Variants in BTBD9 observed in about 807,000 individuals in gnomAD.
The protein encoded by BTBD9 is BTB domain containing 9, also known as BTB/POZ domain-containing protein 9.
Under a neutral mutation model 64.3 loss-of-function variants are expected in BTBD9, and 49 were observed. The ratio of observed to expected loss-of-function variants is 0.76; its 90% CI spans 0.61 to 0.97. The LOEUF (loss-of-function observed/expected upper bound fraction) is 0.97, where lower values mean the gene tolerates loss of function less well. BTBD9 is among the 50% of genes least tolerant of loss of function. The pLI, the probability that BTBD9 is intolerant of heterozygous loss-of-function variation, is 0.00. For synonymous variants in BTBD9, 260 were observed against 274.7 expected (o/e 0.95, Z 0.53); for missense variants, 598 against 762.1 (o/e 0.78, Z 2.53).
At chr6:38,241,680 T>C (rs987839640) in intron 9 of BTBD9, among the ~76,000 whole-genome samples, 1 of 152,252 alleles carries the variant, frequency 6.6e-6, no homozygotes, top group Admixed American at 6.5e-5. Flanking sequence ...ACTCAGTACA[T>C]AATTTATAAC....
At chr6:38,477,807 TTACTCAC>T (rs1770956990) in intron 6 of BTBD9, among the ~76,000 whole-genome samples, 1 of 152,188 alleles carries the variant, frequency 6.6e-6, no homozygotes, top group Admixed American at 6.5e-5. Context: ...CATTTAAGAA[TTACTCAC>T]TTAACTCAAA....
At chr6:38,475,756 T>C (rs1036736614) in intron 6 of BTBD9, among the ~76,000 whole-genome samples, 1 of 152,188 alleles carries the variant, frequency 6.6e-6, no homozygotes, top group African/African-American at 2.4e-5. Flanking sequence ...AGCCAAAAGC[T>C]GCTGCCATAC....
intron 6 of BTBD9, among the ~76,000 whole-genome samples, chr6:38,469,411 T>A (rs1770537205): frequency 6.7e-6 from 1 of 149,198 alleles, no homozygotes; most frequent in Admixed American, 6.8e-5. Context: ...CTCCGCCTCC[T>A]GGGTTCCAGC....
At position 38,230,439 on chromosome 6, in the gene BTBD9, G is replaced by T. The variant is rs555371685; in HGVS notation, c.1562+25970C>A. ...GAACCTGGGAGATGGAGGTTGTGGT[G>T]AGCCGAGATCGTGACATTGCACTCT... On this transcript the variant is annotated intron_variant, in intron 9 of 10. Transcript: ENST00000481247. Among the ~76,000 whole-genome samples the T allele has an allele frequency of 4.2e-5, 6 of 144,044 alleles. 1 individual carries two copies. Among genetic ancestry groups the T allele is most frequent in the African/African-American group, 1.5e-4 (6 of 39,312 alleles). The allele number at this position is 144,044 out of a possible 152,430, so 94.5% of individuals were successfully genotyped here.
In BTBD9 at chr6:38,592,725, AT is replaced by A; in HGVS notation, c.664del (p.Met222CysfsTer9). 6.2e-7 allele frequency: 1 copy of A among 1,614,214 alleles called. No homozygotes were observed. The highest frequency in any genetic ancestry group is 8.5e-7 in the Non-Finnish European group (1 of 1,180,028). On this transcript the variant is annotated frameshift_variant, in exon 4 of 11. Transcript: ENST00000481247. LOFTEE classifies it high-confidence loss of function. Reference protein sequence around the residue: ...HNSKENHAEIMQAVRLPLMSL... With the variant: ...HNSKENHAEIXQAVRLPLMSL... ...CATGAGAGGTAAACGCACAGCCTGC[AT>A]GATTTCAGCATGATTCTCCTTTGAA...
intron 6 of BTBD9, among the ~76,000 whole-genome samples, chr6:38,421,974 T>C (rs1170204577): frequency 6.6e-6 from 1 of 152,214 alleles, no homozygotes; most frequent in African/African-American, 2.4e-5. Flanking sequence ...GAATGAAGCA[T>C]AAGGGATTTA....
chr6:38,482,635 A>G (rs1381869812), intron 6 of BTBD9: 2 of 152,156 alleles, frequency 1.3e-5, no homozygotes, highest in African/African-American at 4.8e-5. Context: ...CTTGCCAAAC[A>G]CTGAGCTATG....
At chr6:38,372,443 A>T (rs1765464882) in intron 6 of BTBD9, among the ~76,000 whole-genome samples, 2 of 152,166 alleles carry the variant, frequency 1.3e-5, no homozygotes, top group Admixed American at 1.3e-4. Context: ...ATTTTCTAAA[A>T]ATCAAACAGT....
At chr6:38,623,576 G>A (rs1194864803) in intron 1 of BTBD9, among the ~76,000 whole-genome samples, 4 of 152,182 alleles carry the variant, frequency 2.6e-5, no homozygotes, top group African/African-American at 9.7e-5. Flanking sequence ...TAGGGGAAGA[G>A]TGTTGTTTTT....
chr6:38,213,894 G>A (rs1398951953), intron 9 of BTBD9, among the ~76,000 whole-genome samples: 1 of 151,874 alleles, frequency 6.6e-6, no homozygotes, highest in Non-Finnish European at 1.5e-5. Context: ...TGAGCTGGAG[G>A]CTGAGGCAGG....
At chr6:38,234,875 T>C (rs1763726084) in intron 9 of BTBD9, among the ~76,000 whole-genome samples, 1 of 152,262 alleles carries the variant, frequency 6.6e-6, no homozygotes, top group Non-Finnish European at 1.5e-5. Context: ...TGGCAAATAC[T>C]AGTAAAGAGT....
chr6:38,401,545 G>A (rs573395005), intron 6 of BTBD9, among the ~76,000 whole-genome samples: 10 of 152,174 alleles, frequency 6.6e-5, no homozygotes, highest in Non-Finnish European at 1.3e-4. Flanking sequence ...CCCAAAGGAG[G>A]AACAGAATCA....
chr6:38,313,618 T>C (rs1762925349), intron 7 of BTBD9, among the ~76,000 whole-genome samples: 1 of 152,196 alleles, frequency 6.6e-6, no homozygotes, highest in Non-Finnish European at 1.5e-5. Flanking sequence ...TGCTTTTTCA[T>C]CATCAATTGA....
At chr6:38,453,578 C>T (rs938214323) in intron 6 of BTBD9, among the ~76,000 whole-genome samples, 2 of 152,202 alleles carry the variant, frequency 1.3e-5, no homozygotes, top group Admixed American at 6.5e-5. Flanking sequence ...TTTTAAATGA[C>T]AAGTTTTTTT....
intron 8 of BTBD9, among the ~76,000 whole-genome samples, chr6:38,266,648 AAGAAAGAAAGAAAGAAAGAAAG>A (rs1765009250): frequency 7.4e-6 from 1 of 135,934 alleles, no homozygotes. Context: ...GAAAGAAAGA[AAGAAAGAAAGAAAGAAAGAAAG>A]AAAGAAAGAA....
chr6:38,561,979 T>C (rs1394805869), intron 6 of BTBD9, among the ~76,000 whole-genome samples: 1 of 152,164 alleles, frequency 6.6e-6, no homozygotes, highest in East Asian at 1.9e-4. Context: ...GTGCACCTAG[T>C]ACTATAAAGC....
chr6:38,303,840 G>GATATATATATATATATATAT (rs70981538), intron 7 of BTBD9, among the ~76,000 whole-genome samples: 8 of 75,306 alleles, frequency 1.1e-4, no homozygotes, highest in East Asian at 3.1e-4. Context: ...TTAGTTGCTA[G>GATATATATATATATATATAT]ATATATATAT....
At chr6:38,557,000 G>A (rs1340450181) in intron 6 of BTBD9, among the ~76,000 whole-genome samples, 1 of 93,814 alleles carries the variant, frequency 1.1e-5, no homozygotes, top group African/African-American at 4.4e-5. Flanking sequence ...GGAACAGAGC[G>A]AGACTCCATC....
At chr6:38,614,599 G>A (rs1426822740) in intron 1 of BTBD9, among the ~76,000 whole-genome samples, 1 of 152,180 alleles carries the variant, frequency 6.6e-6, no homozygotes, top group African/African-American at 2.4e-5. Context: ...GTAAAAGCCT[G>A]TCCTTATGCA....
Sources: allele counts gnomAD v4.1 joint callset (sites outside exome capture counted in the v4.1 genomes callset), GRCh38; gene constraint gnomAD v4.1.1; transcripts MANE v1.5; gene names NCBI Gene and HGNC (gene_info 2026-07-23, HGNC 2026-07-21).